The following MYO1H variants were observed in gnomAD, a reference collection of about 807,000 sequenced individuals.
The protein encoded by MYO1H is unconventional myosin-Ih.
Under a neutral mutation model 149.3 loss-of-function variants are expected in MYO1H, and 118 were observed. That is an observed-to-expected ratio of 0.79 (90% CI 0.68 to 0.92). The LOEUF is 0.92. MYO1H is among the 40% of genes least tolerant of loss of function. The pLI is 0.00. For missense variants in MYO1H, 1,212 were observed against 1,280.7 expected (o/e 0.95, Z 0.82); for synonymous variants, 447 against 465.2 (o/e 0.96, Z 0.50).
At chr12:109,433,837 C>T (rs533010933) in intron 20 of MYO1H, among the ~76,000 whole-genome samples, 2 of 152,234 alleles carry the variant, frequency 1.3e-5, no homozygotes, top group South Asian at 2.1e-4. Context: ...AGGTGGGATC[C>T]GTCTGTCCCC....
At chr12:109,379,090 A>C (rs1050384799) in intron 1 of MYO1H, among the ~76,000 whole-genome samples, 1 of 152,248 alleles carries the variant, frequency 6.6e-6, no homozygotes, top group African/African-American at 2.4e-5. Flanking sequence ...AATTTAAATA[A>C]ATCAAAATTA....
chr12:109,322,641 G>A, the MYO1H span, among the ~76,000 whole-genome samples: 1 of 151,860 alleles, frequency 6.6e-6, no homozygotes, highest in East Asian at 1.9e-4. Context: ...CCAATATGGT[G>A]AAACTCTGTC....
chr12:109,422,354 G>C (rs1270793666), intron 16 of MYO1H, among the ~76,000 whole-genome samples: 2 of 152,158 alleles, frequency 1.3e-5, no homozygotes, highest in Non-Finnish European at 2.9e-5. Context: ...AGCAACTCCT[G>C]ACTTTGGATC....
At chr12:109,328,212 G>A in the MYO1H span, among the ~76,000 whole-genome samples, 1 of 151,320 alleles carries the variant, frequency 6.6e-6, no homozygotes. Context: ...TTAAATTGGG[G>A]TGAAATTCTC....
chr12:109,407,803 C>T (rs1566031102), exon 10 of MYO1H: 1 of 1,613,708 alleles, frequency 6.2e-7, no homozygotes, highest in Non-Finnish European at 8.5e-7. Flanking sequence ...GGTGATCTGC[C>T]CGTTGACACT....
chr12:109,391,784 T>C (rs1018891846), intron 2 of MYO1H, among the ~76,000 whole-genome samples: 2 of 152,212 alleles, frequency 1.3e-5, no homozygotes, highest in Non-Finnish European at 2.9e-5. Flanking sequence ...TATCTCATTG[T>C]GGTTTGGATT....
At chr12:109,439,580 A>G in intron 23 of MYO1H, 51 bp from the exon 24 acceptor site, 1 of 1,545,332 alleles carries the variant, frequency 6.5e-7, no homozygotes, top group Non-Finnish European at 8.8e-7. Flanking sequence ...GAGAATGTAA[A>G]TCTCGGTGAA....
chr12:109,398,467 C>T (rs1054332102), intron 5 of MYO1H, among the ~76,000 whole-genome samples: 4 of 151,950 alleles, frequency 2.6e-5, no homozygotes, highest in African/African-American at 2.4e-5. Context: ...TCACAAGGGC[C>T]GGATGCAGTG....
chr12:109,393,060 G>A lies in MYO1H; in HGVS notation c.175-271G>A, dbSNP rs573108122. Among the ~76,000 whole-genome samples the A allele has an allele frequency of 1.5e-4, 23 of 151,888 alleles. No individual in the cohort carries two copies. In the Middle Eastern group the frequency reaches 0.017, roughly 112 times the overall value. On this transcript the variant is annotated intron_variant, in intron 2 of 31. Transcript: ENST00000310903. ...TCCTGACCTGTGATCCACCCGCCTC[G>A]GCCTCCCAAAGTGCTGGGATTACAG...
intron 1 of MYO1H, among the ~76,000 whole-genome samples, chr12:109,350,927 CT>C (rs1480114418): frequency 1.3e-5 from 2 of 152,160 alleles, no homozygotes; most frequent in Non-Finnish European, 2.9e-5. Flanking sequence ...ACAAATAATG[CT>C]GGTACAATGT....
At chr12:109,415,014 A>G (rs1870844435) in intron 14 of MYO1H, among the ~76,000 whole-genome samples, 1 of 152,132 alleles carries the variant, frequency 6.6e-6, no homozygotes, top group Admixed American at 6.6e-5. Context: ...GCCCGGCCAA[A>G]GGATCTAATT....
At chr12:109,335,047 CATA>C in the MYO1H span, among the ~76,000 whole-genome samples, 100 of 152,306 alleles carry the variant, frequency 6.6e-4, 5 homozygotes, top group South Asian at 0.02. Context: ...GCTTCTTTAG[CATA>C]ATATCTTTAA....
At chr12:109,442,110 C>G (rs1429468715) in intron 26 of MYO1H, 107 bp from the exon 27 acceptor site, 1 of 915,556 alleles carries the variant, frequency 1.1e-6, no homozygotes, top group African/African-American at 1.6e-5. Flanking sequence ...ATTTCCCCAC[C>G]TGAGATCTTA....
chr12:109,313,979 G>A, the MYO1H span, among the ~76,000 whole-genome samples: 5 of 151,894 alleles, frequency 3.3e-5, no homozygotes, highest in African/African-American at 7.3e-5. Flanking sequence ...CTGCCTCCCC[G>A]GTTCAAGTGA....
the MYO1H span, among the ~76,000 whole-genome samples, chr12:109,319,042 T>A: frequency 3.5e-5 from 5 of 141,140 alleles, no homozygotes; most frequent in Non-Finnish European, 7.6e-5. Flanking sequence ...AAAGTGTATT[T>A]AATCAAGAAA....
rs1275117713 is a variant in MYO1H at position 109,406,776 on chromosome 12, C to A, written c.964-13C>A. 8.7e-6 allele frequency: 14 copies of A among 1,613,266 alleles called. No homozygotes were observed. The highest frequency in any genetic ancestry group is 1.2e-5 in the Non-Finnish European group (14 of 1,179,344). On this transcript the variant is annotated splice_polypyrimidine_tract_variant and intron_variant, in intron 8 of 31. Transcript: ENST00000310903. ...CGTCACTGAATAGCATTCTGGATTT[C>A]TTTTACATGCAGCTCCTGGGGGTCC...
At chr12:109,355,136 G>A (rs1868559815) in intron 1 of MYO1H, among the ~76,000 whole-genome samples, 1 of 152,098 alleles carries the variant, frequency 6.6e-6, no homozygotes, top group African/African-American at 2.4e-5. Context: ...TATCCTGGTG[G>A]TCTTGGTTCC....
the MYO1H span, among the ~76,000 whole-genome samples, chr12:109,335,044 T>C: frequency 2.0e-5 from 3 of 152,224 alleles, no homozygotes; most frequent in Non-Finnish European, 2.9e-5. Context: ...GTGGCTTCTT[T>C]AGCATAATAT....
chr12:109,445,517 C>T lies in MYO1H; in HGVS notation c.2998C>T (p.Gln1000Ter), dbSNP rs1451904642. 6.2e-7 allele frequency: 1 copy of T among 1,607,738 alleles called. No individual in the cohort carries two copies. Among genetic ancestry groups the T allele is most frequent in the Admixed American group, 1.7e-5 (1 of 59,486 alleles). The stretch of plus-strand genomic sequence containing the variant: ...TGTCACTTTGTGTATTTTAAGTTTA[C>T]AGTTTTTTATTAGTCCGGGAAAAGA... The change falls in exon 31 of 32, where the codon CAG becomes TAG. Residue 1000 changes from glutamine to a stop codon, truncating the protein, a stop_gained. Transcript: ENST00000310903. LOFTEE classifies it high-confidence loss of function.
Sources: gnomAD v4.1 joint callset for allele counts (sites outside exome capture counted in the v4.1 genomes callset) on GRCh38, gnomAD v4.1.1 for gene constraint, MANE v1.5 for transcripts, NCBI Gene and HGNC (gene_info 2026-07-23, HGNC 2026-07-21) for gene names.